GALNT18: variants seen among roughly 807,000 people sequenced by gnomAD.
GALNT18 encodes GalNAc-transferase 18.
In GALNT18, 44 loss-of-function variants were observed where a neutral mutation model predicts 69.5. That is an observed-to-expected ratio of 0.63 (90% CI 0.50 to 0.81). The LOEUF is 0.81. GALNT18 is among the 40% of genes least tolerant of loss of function. The pLI, the probability that GALNT18 is intolerant of heterozygous loss-of-function variation, is 0.00. For missense variants in GALNT18, 715 were observed against 810.0 expected (o/e 0.88, Z 1.42); for synonymous variants, 364 against 318.2 (o/e 1.14, Z -1.53).
rs1269065533 is a variant in GALNT18, at chr11:11,480,089, T to C, written c.236-31153A>G. ...GGGAGGGGGTACAGGAGGCAGAAAA[T>C]ACTGCTATTTGTCACCTTCCCTACC... On this transcript the variant is annotated intron_variant, in intron 1 of 10. Coordinates refer to ENST00000227756, the MANE Select transcript of GALNT18 (RefSeq NM_198516.3). The surrounding 1 kb of genome is among the most constrained non-coding windows in gnomAD (Gnocchi z 4.6). Among the ~76,000 whole-genome samples the C allele has an allele frequency of 1.3e-5, 2 of 151,986 alleles. No homozygotes were observed. The highest frequency in any genetic ancestry group is 1.3e-4 in the Admixed American group (2 of 15,260).
intron 3 of GALNT18, among the ~76,000 whole-genome samples, chr11:11,428,450 A>G (rs537728852): frequency 6.6e-6 from 1 of 152,350 alleles, no homozygotes; most frequent in East Asian, 1.9e-4. Context: ...CCTGTTGGCC[A>G]TCAGGCCACT....
rs1443002023 is a variant in GALNT18 at position 11,540,964 on chromosome 11, TG to T, written c.235+80394del. ...CCAAATTGCTAAAAGATTTGTGCAA[TG>T]TTATGATTCTCTTTTCTTTGATGGT... On this transcript the variant is annotated intron_variant, in intron 1 of 10. Coordinates refer to ENST00000227756, the MANE Select transcript of GALNT18 (RefSeq NM_198516.3). This position sits in a 1 kb window ranked among gnomAD's most constrained non-coding sequence, Gnocchi z 4.6. 1.3e-5 allele frequency among the ~76,000 whole-genome samples: 2 copies of T among 152,218 alleles called. No homozygotes were observed. Among genetic ancestry groups the T allele is most frequent in the East Asian group, 3.9e-4 (2 of 5,192 alleles).
At chr11:11,275,115 G>T (rs1343512767) in intron 10 of GALNT18, among the ~76,000 whole-genome samples, 2 of 152,182 alleles carry the variant, frequency 1.3e-5, no homozygotes, top group Non-Finnish European at 2.9e-5. Flanking sequence ...TTGAGAAATG[G>T]CCACACTGTC....
chr11:11,447,793 G>T (rs760842901), intron 2 of GALNT18, among the ~76,000 whole-genome samples: 3 of 152,168 alleles, frequency 2.0e-5, no homozygotes, highest in Non-Finnish European at 4.4e-5. Flanking sequence ...CTCCTACCTG[G>T]TCCCTCCCAC....
chr11:11,394,588 C>T (rs1254471926), intron 3 of GALNT18, among the ~76,000 whole-genome samples: 1 of 152,150 alleles, frequency 6.6e-6, no homozygotes, highest in Non-Finnish European at 1.5e-5. Flanking sequence ...ACTCTAGAAA[C>T]CTAAGGAGGT....
intron 9 of GALNT18, among the ~76,000 whole-genome samples, chr11:11,298,991 G>C (rs932586270): frequency 2.6e-5 from 4 of 152,028 alleles, no homozygotes; most frequent in Non-Finnish European, 4.4e-5. Context: ...TGCATTCTTT[G>C]ATATGGCCAA....
rs987207553 is a variant in GALNT18 at position 11,439,501 on chromosome 11, ACT to A, written c.429-6716_429-6715del. ...GGGCTGGAGTCCAGTCCCCTGTGAG[ACT>A]CTCACAGATTCTGCTTTTCTTTCAT... On this transcript the variant is annotated intron_variant, in intron 2 of 10. Coordinates refer to ENST00000227756, the MANE Select transcript of GALNT18 (RefSeq NM_198516.3). This position sits in a 1 kb window ranked among gnomAD's most constrained non-coding sequence, Gnocchi z 4.4. 1.3e-5 allele frequency among the ~76,000 whole-genome samples: 2 copies of A among 152,024 alleles called. No homozygotes were observed. The highest frequency in any genetic ancestry group is 2.9e-5 in the Non-Finnish European group (2 of 67,974).
chr11:11,291,973 A>G (rs143410877), intron 10 of GALNT18, among the ~76,000 whole-genome samples: 62 of 152,290 alleles, frequency 4.1e-4, no homozygotes, highest in African/African-American at 1.4e-3. Context: ...ACTGGATGCC[A>G]GGATTGGAAT....
chr11:11,545,735 C>A (rs1012102243), intron 1 of GALNT18, among the ~76,000 whole-genome samples: 7 of 152,274 alleles, frequency 4.6e-5, no homozygotes, highest in African/African-American at 1.7e-4. Context: ...CAGGGGACAG[C>A]CAAGCCAGGG....
chr11:11,368,432 T>C (rs987655102), intron 6 of GALNT18, among the ~76,000 whole-genome samples: 4 of 152,212 alleles, frequency 2.6e-5, no homozygotes, highest in African/African-American at 9.6e-5. Context: ...TCTCAGAAAA[T>C]AGAAATCCTC....
At chr11:11,295,680 C>T (rs559168177) in intron 9 of GALNT18, among the ~76,000 whole-genome samples, 13 of 152,068 alleles carry the variant, frequency 8.5e-5, no homozygotes, top group East Asian at 1.9e-4. Context: ...GAGCAGAAGA[C>T]GCTCATTACA....
At chr11:11,311,801 A>G (rs1849677784) in intron 9 of GALNT18, among the ~76,000 whole-genome samples, 1 of 152,258 alleles carries the variant, frequency 6.6e-6, no homozygotes, top group African/African-American at 2.4e-5. Context: ...ATCTTGACTA[A>G]TAACAACTAA....
intron 6 of GALNT18, chr11:11,352,836 A>G (rs1249456476): frequency 9.3e-6 from 15 of 1,614,064 alleles, no homozygotes; most frequent in Non-Finnish European, 1.3e-5. Context: ...TGCCAGTGTG[A>G]TGATGTTGGG....
intron 3 of GALNT18, among the ~76,000 whole-genome samples, chr11:11,410,702 G>T (rs1009008608): frequency 6.6e-6 from 1 of 152,092 alleles, no homozygotes; most frequent in Non-Finnish European, 1.5e-5. Flanking sequence ...TTTTCCCCTG[G>T]GTCTGGAATT....
In GALNT18 at chr11:11,432,671, G is replaced by A. The variant is rs760521415; in HGVS notation, c.545C>T (p.Pro182Leu). 6.2e-7 allele frequency: 1 copy of A among 1,612,678 alleles called. No individual in the cohort carries two copies. Among genetic ancestry groups the A allele is most frequent in the Admixed American group, 1.7e-5 (1 of 59,864 alleles). Residue 182 changes from proline (P) to leucine (L), a missense_variant, in exon 3 of 11, where the codon CCC (proline) becomes CTC (leucine). Coordinates refer to ENST00000227756, the MANE Select transcript of GALNT18 (RefSeq NM_198516.3). The surrounding 1 kb of genome is among the most constrained non-coding windows in gnomAD (Gnocchi z 5.8). ...RSIHSAMERTPPHLLKEIILV... is the reference protein window; with the variant it reads ...RSIHSAMERTLPHLLKEIILV... Reference sequence around the variant, plus strand: ...AATGATCTCCTTGAGCAGATGTGGGGGCGTGCGTTCCATGGCCGAGTGGAT... The same window carrying A: ...AATGATCTCCTTGAGCAGATGTGGGAGCGTGCGTTCCATGGCCGAGTGGAT...
rs1014038031 is a variant in GALNT18 at position 11,546,930 on chromosome 11, CTT to C, written c.235+74427_235+74428del. 9.3e-4 allele frequency among the ~76,000 whole-genome samples: 132 copies of C among 142,192 alleles called. No individual in the cohort carries two copies. The highest frequency in any genetic ancestry group is 3.6e-3 in the Middle Eastern group (1 of 280). 93.3% of individuals were successfully genotyped at this position (142,192 alleles called of 152,430 possible). On this transcript the variant is annotated intron_variant, in intron 1 of 10. Transcript: ENST00000227756. This position sits in a 1 kb window ranked among gnomAD's most constrained non-coding sequence, Gnocchi z 5.8. ...GGTAGGTGGATGGATATGGAATCTT[CTT>C]TTTTTTTTTTTAACTCTTGTCATTT...
chr11:11,417,186 GGCTGCTCA>G (rs1376084354), intron 3 of GALNT18, among the ~76,000 whole-genome samples: 1 of 152,186 alleles, frequency 6.6e-6, no homozygotes, highest in Non-Finnish European at 1.5e-5. Flanking sequence ...TTTCTGAAAC[GGCTGCTCA>G]GCTCAGAAGG....
chr11:11,280,193 C>T (rs755756350), intron 10 of GALNT18, among the ~76,000 whole-genome samples: 1 of 152,130 alleles, frequency 6.6e-6, no homozygotes, highest in African/African-American at 2.4e-5. Flanking sequence ...GCACAGAGAC[C>T]AAAGAATAAA....
intron 3 of GALNT18, among the ~76,000 whole-genome samples, chr11:11,411,039 G>A (rs1854714833): frequency 6.6e-6 from 1 of 152,220 alleles, no homozygotes; most frequent in South Asian, 2.1e-4. Context: ...GAGGCTGGGT[G>A]CAGTGGCTCA....
Sources: allele counts gnomAD v4.1 joint callset (sites outside exome capture counted in the v4.1 genomes callset), GRCh38; gene constraint gnomAD v4.1.1; non-coding constraint Gnocchi (gnomAD v3.1); transcripts MANE v1.5; gene names NCBI Gene and HGNC (gene_info 2026-07-23, HGNC 2026-07-21).